FHIT: variants seen among roughly 807,000 people sequenced by gnomAD.
FHIT encodes bis(5'-adenosyl)-triphosphatase.
FHIT carries 19 observed loss-of-function variants against 17.9 expected under a neutral mutation model. The observed-to-expected ratio is 1.06, with a 90% CI of 0.74 to 1.56. FHIT has a LOEUF of 1.56. Ranked by LOEUF, FHIT falls within the 40% of genes most tolerant of loss-of-function variation. The pLI is 0.00. For synonymous variants in FHIT, 81 were observed against 69.7 expected, an observed-to-expected ratio of 1.16 and a Z score of -0.81; for missense variants, 248 against 189.2, an observed-to-expected ratio of 1.31 and a Z score of -1.82.
At chr3:60,689,745 G>C (rs1553699160) in intron 4 of FHIT, among the ~76,000 whole-genome samples, 1 of 152,140 alleles carries the variant, frequency 6.6e-6, no homozygotes. Flanking sequence ...CTAGAAAAAT[G>C]AGAATTTGTC....
intron 5 of FHIT, among the ~76,000 whole-genome samples, chr3:60,200,646 C>T (rs1427442363): frequency 6.8e-6 from 1 of 147,342 alleles, no homozygotes; most frequent in Non-Finnish European, 1.5e-5. Flanking sequence ...CTTCTGGAAT[C>T]AGAATCCCTT....
At chr3:60,797,508 T>C (rs1412344646) in intron 4 of FHIT, among the ~76,000 whole-genome samples, 5 of 141,602 alleles carry the variant, frequency 3.5e-5, no homozygotes, top group African/African-American at 7.7e-5. Flanking sequence ...TAGTGCTGAA[T>C]ACCGTATCTA....
chr3:60,686,564 C>T lies in FHIT; in HGVS notation c.-18+135355G>A, dbSNP rs182273921. ...TTTTAATCCTTTTTAAAAATACAAT[C>T]TCTGTTCTTCATAGAGAAAATCTAT... On this transcript the variant is annotated intron_variant, in intron 4 of 9. Coordinates refer to ENST00000492590, the MANE Select transcript of FHIT (RefSeq NM_002012.4). Among the ~76,000 whole-genome samples the T allele has an allele frequency of 3.2e-4, 48 of 151,904 alleles. 1 individual carries two copies. The highest frequency in any genetic ancestry group is 1.1e-3 in the African/African-American group (45 of 41,412).
Position 60,540,551 on chromosome 3 carries a change from G to A in FHIT, c.-17-3572C>T, listed in dbSNP as rs1001099396. On this transcript the variant is annotated intron_variant, in intron 4 of 9. Coordinates refer to ENST00000492590, the MANE Select transcript of FHIT (RefSeq NM_002012.4). ...ATCAAAGGACATCCAGCTGGTGTCC[G>A]CTGCTTTGTGTGTTGGGGGGAAAGA... Among the ~76,000 whole-genome samples, 10 of 152,292 alleles carry A rather than the reference G, an allele frequency of 6.6e-5. No homozygotes were observed. In the East Asian group the frequency reaches 1.5e-3, roughly 24 times the overall value.
chr3:60,350,920 G>C (rs1382911454), intron 5 of FHIT, among the ~76,000 whole-genome samples: 1 of 152,122 alleles, frequency 6.6e-6, no homozygotes, highest in Admixed American at 6.5e-5. Flanking sequence ...TCTCTCCCTT[G>C]TTGGCTTTGA....
chr3:60,200,984 G>A (rs1013807787), intron 5 of FHIT, among the ~76,000 whole-genome samples: 1 of 151,998 alleles, frequency 6.6e-6, no homozygotes, highest in Non-Finnish European at 1.5e-5. Flanking sequence ...AAATAAAATG[G>A]TCCCTGTCTC....
intron 4 of FHIT, among the ~76,000 whole-genome samples, chr3:60,780,826 T>A (rs1700361415): frequency 6.6e-6 from 1 of 152,086 alleles, no homozygotes; most frequent in Non-Finnish European, 1.5e-5. Context: ...CCTCAGAAAG[T>A]TCACCATGTT....
chr3:60,530,492 T>TA (rs1192282146), intron 5 of FHIT, among the ~76,000 whole-genome samples: 3 of 152,226 alleles, frequency 2.0e-5, no homozygotes, highest in South Asian at 2.1e-4. Flanking sequence ...CTGTCTATGA[T>TA]AAAAAATAAA....
At chr3:59,770,380 C>G (rs537509507) in intron 8 of FHIT, among the ~76,000 whole-genome samples, 2 of 152,272 alleles carry the variant, frequency 1.3e-5, no homozygotes, top group African/African-American at 4.8e-5. Flanking sequence ...GCATTAGGGT[C>G]AGCCTTAATC....
intron 2 of FHIT, among the ~76,000 whole-genome samples, chr3:61,071,415 T>A (rs961937397): frequency 1.4e-5 from 2 of 147,396 alleles, no homozygotes; most frequent in Non-Finnish European, 2.9e-5. Context: ...CTGATCCTGA[T>A]GAAATAATAA....
intron 8 of FHIT, among the ~76,000 whole-genome samples, chr3:59,792,916 G>A (rs1441675795): frequency 6.6e-6 from 1 of 150,564 alleles, no homozygotes; most frequent in Non-Finnish European, 1.5e-5. Context: ...GATGAAGTAT[G>A]GGTGATGTGC....
chr3:60,123,471 C>T (rs1705350084), intron 5 of FHIT, among the ~76,000 whole-genome samples: 2 of 152,034 alleles, frequency 1.3e-5, no homozygotes, highest in African/African-American at 4.8e-5. Context: ...TAAATACAAA[C>T]TTAGGGAGAA....
At chr3:60,195,336 G>A (rs1449520456) in intron 5 of FHIT, among the ~76,000 whole-genome samples, 2 of 151,666 alleles carry the variant, frequency 1.3e-5, no homozygotes, top group African/African-American at 4.8e-5. Context: ...AACCTTTATG[G>A]AAAATAATAT....
At chr3:60,123,658 T>G (rs928503767) in intron 5 of FHIT, among the ~76,000 whole-genome samples, 1 of 152,040 alleles carries the variant, frequency 6.6e-6, no homozygotes, top group Non-Finnish European at 1.5e-5. Context: ...AGAAACCCAA[T>G]CACTGCTGTC....
At chr3:60,751,043 A>C (rs1553716695) in intron 4 of FHIT, among the ~76,000 whole-genome samples, 1 of 152,200 alleles carries the variant, frequency 6.6e-6, no homozygotes, top group African/African-American at 2.4e-5. Context: ...TGTGACTAAC[A>C]AACTGCTGTC....
chr3:59,871,093 G>C (rs1245489977), intron 8 of FHIT, among the ~76,000 whole-genome samples: 1 of 152,110 alleles, frequency 6.6e-6, no homozygotes, highest in African/African-American at 2.4e-5. Flanking sequence ...ATCCAAGACT[G>C]ACAACTTGCA....
intron 4 of FHIT, among the ~76,000 whole-genome samples, chr3:60,607,905 G>C (rs1449737200): frequency 6.6e-6 from 1 of 152,178 alleles, no homozygotes; most frequent in Non-Finnish European, 1.5e-5. Context: ...ATGGAGAATA[G>C]TGTCTATTCC....
chr3:61,209,225 C>T (rs1029433310), intron 1 of FHIT, among the ~76,000 whole-genome samples: 2 of 152,196 alleles, frequency 1.3e-5, no homozygotes, highest in Non-Finnish European at 2.9e-5. Context: ...GGTAACCCGA[C>T]CTTTCTCTCT....
At position 60,310,670 on chromosome 3, in the gene FHIT, C is replaced by A. The variant is rs750635661; in HGVS notation, c.103+226190G>T. Among the ~76,000 whole-genome samples, 3 of 151,970 alleles carry A rather than the reference C, an allele frequency of 2.0e-5. No individual in the cohort carries two copies. In the South Asian group the frequency reaches 6.3e-4, roughly 32 times the overall value. ...CAACCCCCAAGACAAAAGCACTCTACGTATTCCTGAAACACACAAGGACAC... is the reference window on the plus strand; with the variant it reads ...CAACCCCCAAGACAAAAGCACTCTAAGTATTCCTGAAACACACAAGGACAC... On this transcript the variant is annotated intron_variant, in intron 5 of 9. Transcript: ENST00000492590.
Sources: allele counts gnomAD v4.1 joint callset (sites outside exome capture counted in the v4.1 genomes callset), GRCh38; gene constraint gnomAD v4.1.1; transcripts MANE v1.5; gene names NCBI Gene and HGNC (gene_info 2026-07-23, HGNC 2026-07-21).